Variants in DMXL2 observed in about 807,000 individuals in gnomAD.
DMXL2 encodes Dmx like 2, also known as dmX-like protein 2.
In DMXL2, 103 loss-of-function variants were observed where a neutral mutation model predicts 331.1. The ratio of observed to expected loss-of-function variants is 0.31; its 90% confidence interval spans 0.27 to 0.37. The LOEUF (loss-of-function observed/expected upper bound fraction) is 0.37, where lower values mean the gene tolerates loss of function less well. DMXL2 is among the 10% of genes least tolerant of loss of function. The pLI is 1.00. For missense variants in DMXL2, 3,171 were observed against 3,642.9 expected (o/e 0.87, Z 3.33); for synonymous variants, 1,281 against 1,252.1 (o/e 1.02, Z -0.49).
chr15:51,528,055 A>AG (rs2047781075), intron 13 of DMXL2, among the ~76,000 whole-genome samples: 1 of 151,586 alleles, frequency 6.6e-6, no homozygotes. Context: ...TGCAAGCTTC[A>AG]TGGTAACCTC....
rs114089390 is a variant in DMXL2 at position 51,496,906 on chromosome 15, T to A, written c.4672+1646A>T. 2.7e-3 allele frequency among the ~76,000 whole-genome samples: 416 copies of A among 152,352 alleles called. 4 individuals are homozygous for A. Among genetic ancestry groups the A allele is most frequent in the African/African-American group, 9.7e-3 (402 of 41,590 alleles). ...AATCTCTGAGCTTCAGTTTCCCACC[T>A]GTGAAATGGAGACATTCATTCCTGC... On this transcript the variant is annotated intron_variant, in intron 18 of 43. Coordinates refer to ENST00000560891, the MANE Select transcript of DMXL2 (RefSeq NM_001378457.1).
chr15:51,453,730 A>G, intron 40 of DMXL2, 89 bp from the exon 41 acceptor site: 1 of 1,028,472 alleles, frequency 9.7e-7, no homozygotes, highest in Non-Finnish European at 1.5e-6. Flanking sequence ...ATAACATACT[A>G]TATGCATGAG....
chr15:51,463,330 A>G (rs757158650), intron 33 of DMXL2, 49 bp downstream of exon 33: 1 of 1,171,688 alleles, frequency 8.5e-7, no homozygotes, highest in South Asian at 1.4e-5. Context: ...TAGAAATGTT[A>G]AAGAAAACTA....
intron 1 of DMXL2, among the ~76,000 whole-genome samples, chr15:51,615,887 T>A (rs981021952): frequency 2.0e-5 from 3 of 152,242 alleles, no homozygotes; most frequent in Admixed American, 6.5e-5. Context: ...GAAATGAGTC[T>A]AAGCCAGAAT....
chr15:51,607,821 C>T (rs1228036039), intron 1 of DMXL2, among the ~76,000 whole-genome samples: 1 of 152,178 alleles, frequency 6.6e-6, no homozygotes, highest in Non-Finnish European at 1.5e-5. Context: ...CTATAATCCT[C>T]AAGGTGCTGA....
At chr15:51,538,501 A>T in intron 9 of DMXL2, 49 bp from the exon 10 acceptor site, 1 of 1,437,498 alleles carries the variant, frequency 7.0e-7, no homozygotes. Context: ...TTTCTTTAAA[A>T]ACATGACAAG....
chr15:51,612,190 G>T (rs144112959), intron 1 of DMXL2, among the ~76,000 whole-genome samples: 18 of 152,254 alleles, frequency 1.2e-4, no homozygotes, highest in Admixed American at 3.3e-4. Flanking sequence ...TTAATTTCAC[G>T]TACCAATTTA....
intron 13 of DMXL2, among the ~76,000 whole-genome samples, chr15:51,534,477 T>C (rs2048176233): frequency 6.6e-6 from 1 of 152,234 alleles, no homozygotes; most frequent in African/African-American, 2.4e-5. Context: ...AATATGATTG[T>C]GTGAGCTATT....
intron 42 of DMXL2, 32 bp downstream of exon 42, chr15:51,451,613 T>C: frequency 6.4e-7 from 1 of 1,553,846 alleles, no homozygotes; most frequent in Non-Finnish European, 8.9e-7. Context: ...TCCTTCATGG[T>C]ATATTTTTAA....
intron 6 of DMXL2, among the ~76,000 whole-genome samples, chr15:51,552,672 T>A (rs927874021): frequency 1.6e-4 from 25 of 152,300 alleles, no homozygotes; most frequent in African/African-American, 6.0e-4. Context: ...TTTGTAGGTA[T>A]CTCCCCTCTC....
chr15:51,552,263 AG>A (rs985550279), intron 6 of DMXL2, among the ~76,000 whole-genome samples: 6 of 152,270 alleles, frequency 3.9e-5, no homozygotes, highest in African/African-American at 1.4e-4. Context: ...GGTGGTGAAA[AG>A]GAGAACGGCA....
At position 51,592,309 on chromosome 15, in the gene DMXL2, G is replaced by A. The variant is rs143183096; in HGVS notation, c.88-16128C>T. Among the ~76,000 whole-genome samples the A allele has an allele frequency of 9.5e-3, 1,443 of 152,268 alleles. 16 individuals are homozygous for A. Among genetic ancestry groups the A allele is most frequent in the African/African-American group, 0.033 (1,373 of 41,528 alleles). On this transcript the variant is annotated intron_variant, in intron 1 of 43. Coordinates refer to ENST00000560891, the MANE Select transcript of DMXL2 (RefSeq NM_001378457.1). ...CGCTGATTCGATCAACTGGAAGAAAGGGTATCAGTGATGGAAGATGAAATG... is the reference window on the plus strand; with the variant it reads ...CGCTGATTCGATCAACTGGAAGAAAAGGTATCAGTGATGGAAGATGAAATG...
At chr15:51,456,946 T>C (rs1371767124) in intron 37 of DMXL2, among the ~76,000 whole-genome samples, 2 of 151,828 alleles carry the variant, frequency 1.3e-5, no homozygotes, top group Non-Finnish European at 1.5e-5. Flanking sequence ...CTGAAGCGGG[T>C]AGATCACTTG....
At chr15:51,521,401 A>G (rs763188479) in intron 13 of DMXL2, among the ~76,000 whole-genome samples, 4 of 150,454 alleles carry the variant, frequency 2.7e-5, no homozygotes, top group Non-Finnish European at 4.4e-5. Flanking sequence ...AATAATCACT[A>G]GATAAAAGTT....
At chr15:51,519,791 C>T (rs139340034) in intron 13 of DMXL2, among the ~76,000 whole-genome samples, 4 of 151,376 alleles carry the variant, frequency 2.6e-5, no homozygotes, top group East Asian at 2.0e-4. Flanking sequence ...TACAGGTGCA[C>T]GCCACCACAC....
Position 51,542,368 on chromosome 15 carries a change from T to C in DMXL2, c.1070A>G (p.His357Arg). The C allele has an allele frequency of 6.2e-7, 1 of 1,613,798 alleles. No homozygotes were observed. Among genetic ancestry groups the C allele is most frequent in the Non-Finnish European group, 8.5e-7 (1 of 1,179,796 alleles). ...HISHHANALC[H>R]FHIAASINPA... ...GTTGATGCTTGCTGCAATATGAAAATGACAGAGTGCATTTGCATGGTGGGA... is the reference window on the plus strand; with the variant it reads ...GTTGATGCTTGCTGCAATATGAAAACGACAGAGTGCATTTGCATGGTGGGA... Residue 357 changes from histidine to arginine, a missense_variant, in exon 9 of 44, where the codon CAT becomes CGT. Around this residue, in one of 7 missense-constraint regions of DMXL2, gnomAD observed 1,674 missense variants for 1,780.2 expected, o/e 0.94. Coordinates refer to ENST00000560891, the MANE Select transcript of DMXL2 (RefSeq NM_001378457.1).
intron 23 of DMXL2, among the ~76,000 whole-genome samples, chr15:51,484,714 TA>T (rs2140393245): frequency 6.6e-6 from 1 of 152,226 alleles, no homozygotes; most frequent in African/African-American, 2.4e-5. Context: ...AATTCTCCAG[TA>T]ACAGACCTTA....
intron 3 of DMXL2, among the ~76,000 whole-genome samples, chr15:51,566,233 GTGT>G (rs1446434303): frequency 9.0e-3 from 132 of 14,594 alleles, no homozygotes; most frequent in African/African-American, 0.037. Context: ...TGTGTGTGGG[GTGT>G]GTGTGTGTGT....
At chr15:51,595,997 GA>G (rs2052772816) in intron 1 of DMXL2, among the ~76,000 whole-genome samples, 2 of 152,128 alleles carry the variant, frequency 1.3e-5, no homozygotes, top group South Asian at 4.2e-4. Context: ...TAACATTCAG[GA>G]CATAGGCATG....
Sources: allele counts gnomAD v4.1 joint callset (sites outside exome capture counted in the v4.1 genomes callset), GRCh38; gene constraint gnomAD v4.1.1; regional missense constraint gnomAD v4.1.1; transcripts MANE v1.5; gene names NCBI Gene and HGNC (gene_info 2026-07-23, HGNC 2026-07-21).